Variants in PTPN4 observed in about 807,000 individuals in gnomAD.
PTPN4 encodes protein tyrosine phosphatase non-receptor type 4.
PTPN4 carries 49 observed loss-of-function variants against 135.5 expected under a neutral mutation model. The ratio of observed to expected loss-of-function variants is 0.36; its 90% CI spans 0.29 to 0.46. The LOEUF is 0.46. Ranked by LOEUF, PTPN4 falls within the 20% of genes least tolerant of loss-of-function variation. The pLI, the probability that PTPN4 is intolerant of heterozygous loss-of-function variation, is 1.00. For synonymous variants in PTPN4, 333 were observed against 369.9 expected (o/e 0.90, Z 1.14); for missense variants, 860 against 1,101.0 (o/e 0.78, Z 3.10).
intron 9 of PTPN4, among the ~76,000 whole-genome samples, chr2:119,892,259 G>A (rs1340583076): frequency 6.6e-6 from 1 of 152,180 alleles, no homozygotes; most frequent in Non-Finnish European, 1.5e-5. Context: ...TCATGAGGGA[G>A]CTTTCTGGAT....
At chr2:119,947,910 A>G (rs560738436) in intron 18 of PTPN4, among the ~76,000 whole-genome samples, 28 of 152,218 alleles carry the variant, frequency 1.8e-4, no homozygotes, top group Non-Finnish European at 3.1e-4. Flanking sequence ...TTTGTATATT[A>G]CCAGCTCAGT....
intron 8 of PTPN4, among the ~76,000 whole-genome samples, chr2:119,884,473 G>A (rs1368969031): frequency 6.6e-6 from 1 of 152,140 alleles, no homozygotes; most frequent in East Asian, 1.9e-4. Flanking sequence ...GCAATAAAAG[G>A]TTTGCTGATT....
intron 18 of PTPN4, 115 bp downstream of exon 18, chr2:119,946,689 T>G: frequency 4.7e-6 from 4 of 852,714 alleles, no homozygotes; most frequent in Non-Finnish European, 7.2e-6. Context: ...ATTTATCAAG[T>G]GTCAAATGTT....
At chr2:119,849,291 G>C (rs1677555354) in intron 2 of PTPN4, among the ~76,000 whole-genome samples, 1 of 151,998 alleles carries the variant, frequency 6.6e-6, no homozygotes, top group Admixed American at 6.6e-5. Context: ...GTTTAAACTT[G>C]ACGTTTTACT....
chr2:119,772,211 A>C (rs1476932973), intron 1 of PTPN4, among the ~76,000 whole-genome samples: 1 of 152,188 alleles, frequency 6.6e-6, no homozygotes, highest in African/African-American at 2.4e-5. Context: ...GTGGCTTACT[A>C]CAAGAAGCTG....
chr2:119,814,882 T>A (rs936183888), intron 2 of PTPN4, among the ~76,000 whole-genome samples: 1 of 152,318 alleles, frequency 6.6e-6, no homozygotes, highest in Non-Finnish European at 1.5e-5. Context: ...TTATAGTATA[T>A]GAAAAGTCCA....
chr2:119,936,028 A>G (rs1383386084), intron 15 of PTPN4, among the ~76,000 whole-genome samples: 1 of 151,592 alleles, frequency 6.6e-6, no homozygotes, highest in Non-Finnish European at 1.5e-5. Flanking sequence ...TTTGAGATGG[A>G]GTCTCGCTCT....
chr2:119,966,567 T>A (rs1350832841), intron 25 of PTPN4, among the ~76,000 whole-genome samples: 1 of 152,206 alleles, frequency 6.6e-6, no homozygotes, highest in Non-Finnish European at 1.5e-5. Flanking sequence ...CGGTTCCACC[T>A]CCTAATATTA....
intron 10 of PTPN4, among the ~76,000 whole-genome samples, chr2:119,908,063 A>C (rs1678514944): frequency 6.6e-6 from 1 of 152,192 alleles, no homozygotes; most frequent in Non-Finnish European, 1.5e-5. Flanking sequence ...GTAGGTCTTT[A>C]AAAGTACAGG....
chr2:119,875,193 A>G (rs894601542), intron 3 of PTPN4, among the ~76,000 whole-genome samples: 2 of 152,132 alleles, frequency 1.3e-5, no homozygotes, highest in Admixed American at 1.3e-4. Flanking sequence ...GATTTTTACA[A>G]TGAATGCTAT....
chr2:119,938,897 G>T (rs1679023632), intron 15 of PTPN4, among the ~76,000 whole-genome samples: 2 of 151,658 alleles, frequency 1.3e-5, no homozygotes, highest in African/African-American at 4.8e-5. Flanking sequence ...CCTCCTTTTT[G>T]CAGTTACTTT....
intron 13 of PTPN4, 72 bp downstream of exon 13, chr2:119,926,738 A>AAT: frequency 8.3e-7 from 1 of 1,199,556 alleles, no homozygotes; most frequent in Non-Finnish European, 1.2e-6. Flanking sequence ...AGTTTTTCTA[A>AAT]ATATTTTTTC....
At chr2:119,938,925 A>G (rs1486169489) in intron 15 of PTPN4, among the ~76,000 whole-genome samples, 1 of 152,166 alleles carries the variant, frequency 6.6e-6, no homozygotes, top group East Asian at 1.9e-4. Flanking sequence ...ATGCAACTAT[A>G]TATCATAGTG....
chr2:119,784,480 G>A (rs1223045930), intron 1 of PTPN4, among the ~76,000 whole-genome samples: 1 of 147,740 alleles, frequency 6.8e-6, no homozygotes, highest in Non-Finnish European at 1.5e-5. Flanking sequence ...TCCGCCTCCC[G>A]GGTTCACGCC....
At chr2:119,840,796 T>A (rs1251215472) in intron 2 of PTPN4, among the ~76,000 whole-genome samples, 1 of 152,234 alleles carries the variant, frequency 6.6e-6, no homozygotes, top group Non-Finnish European at 1.5e-5. Context: ...TGGTGTGAGA[T>A]GGTATCTCAT....
In PTPN4 at chr2:119,959,854, TAAAA is replaced by T. The variant is rs1231368863; in HGVS notation, c.2134-950_2134-947del. The stretch of plus-strand genomic sequence containing the variant: ...ACAGGTTGGGGCAAGTTTACAGAAA[TAAAA>T]AACATGAGGGCCTTAAATCTGCATT... On this transcript the variant is annotated intron_variant, in intron 22 of 26. Coordinates refer to ENST00000263708, the MANE Select transcript of PTPN4 (RefSeq NM_002830.4). 4.6e-5 allele frequency among the ~76,000 whole-genome samples: 7 copies of T among 152,064 alleles called. 1 individual carries two copies. In the South Asian group the frequency reaches 1.0e-3, roughly 23 times the overall value.
chr2:119,787,544 C>A (rs1574333816), intron 1 of PTPN4, among the ~76,000 whole-genome samples: 1 of 152,130 alleles, frequency 6.6e-6, no homozygotes, highest in East Asian at 1.9e-4. Context: ...TTTTCTACTG[C>A]CTTAGCTAAT....
At chr2:119,960,721 A>T in intron 22 of PTPN4, 86 bp from the exon 23 acceptor site, 1 of 1,360,336 alleles carries the variant, frequency 7.4e-7, no homozygotes, top group Non-Finnish European at 1.0e-6. Context: ...TGTATTCACT[A>T]TAACAGTTAG....
chr2:119,935,045 G>A (rs543075087), intron 15 of PTPN4, 87 bp downstream of exon 15: 7 of 1,387,018 alleles, frequency 5.0e-6, no homozygotes, highest in Admixed American at 2.2e-5. Flanking sequence ...TAGGATATTC[G>A]ATACAAGATT....
Sources: gnomAD v4.1 joint callset for allele counts (sites outside exome capture counted in the v4.1 genomes callset) on GRCh38, gnomAD v4.1.1 for gene constraint, MANE v1.5 for transcripts, NCBI Gene and HGNC (gene_info 2026-07-23, HGNC 2026-07-21) for gene names.